The following LMAN1 variants were observed in gnomAD, a reference collection of about 807,000 sequenced individuals.
The protein encoded by LMAN1 is lectin, mannose binding 1.
LMAN1 carries 32 observed loss-of-function variants against 67.8 expected under a neutral mutation model. The ratio of observed to expected loss-of-function variants is 0.47; its 90% CI spans 0.36 to 0.63. LMAN1 has a LOEUF of 0.63. Ranked by LOEUF, LMAN1 falls within the 30% of genes least tolerant of loss-of-function variation. The pLI is 0.00. For missense variants in LMAN1, 632 were observed against 628.2 expected (o/e 1.01, Z -0.06); for synonymous variants, 235 against 219.3 (o/e 1.07, Z -0.63).
intron 6 of LMAN1, 75 bp downstream of exon 6, chr18:59,349,038 T>C: frequency 6.5e-7 from 1 of 1,536,108 alleles, no homozygotes; most frequent in South Asian, 1.1e-5. Flanking sequence ...TAAACAAGTC[T>C]ACATATCCCT....
Position 59,353,319 on chromosome 18 carries a change from G to A in LMAN1, c.540-18C>T. The A allele has an allele frequency of 6.4e-7, 1 of 1,555,748 alleles. No homozygotes were observed. The highest frequency in any genetic ancestry group is 8.9e-7 in the Non-Finnish European group (1 of 1,126,962). The stretch of plus-strand genomic sequence containing the variant: ...CCCCGTCACTATAGTGTAAGGGGGA[G>A]GAAAACAGACAAGACACTCAGCTTT... On this transcript the variant is annotated intron_variant, in intron 4 of 12. Coordinates refer to ENST00000251047, the MANE Select transcript of LMAN1 (RefSeq NM_005570.4).
chr18:59,347,712 A>G (rs1032504788), intron 6 of LMAN1, 141 bp from the exon 7 acceptor site: 2 of 663,018 alleles, frequency 3.0e-6, no homozygotes, highest in African/African-American at 1.8e-5. Flanking sequence ...TAATTTGGTA[A>G]AGGCAATGGC....
intron 8 of LMAN1, among the ~76,000 whole-genome samples, chr18:59,341,110 AAAG>A (rs1471701982): frequency 6.6e-6 from 1 of 152,162 alleles, no homozygotes; most frequent in Non-Finnish European, 1.5e-5. Flanking sequence ...AAGAAAAGAC[AAAG>A]AAGGTTATTA....
At chr18:59,344,345 G>A (rs1002263147) in intron 8 of LMAN1, among the ~76,000 whole-genome samples, 6 of 152,116 alleles carry the variant, frequency 3.9e-5, no homozygotes, top group Admixed American at 6.5e-5. Flanking sequence ...GCACTTATAC[G>A]TTTATTGCAG....
chr18:59,331,350 C>G (rs2070746229), intron 12 of LMAN1, 68 bp downstream of exon 12: 1 of 1,446,254 alleles, frequency 6.9e-7, no homozygotes, highest in Admixed American at 1.7e-5. Context: ...ACATAGATAA[C>G]TTAGTTGAAT....
intron 7 of LMAN1, among the ~76,000 whole-genome samples, chr18:59,346,927 T>C (rs1232324035): frequency 6.6e-6 from 1 of 152,018 alleles, no homozygotes; most frequent in Admixed American, 6.5e-5. Flanking sequence ...ATTTCTGTTT[T>C]AGCAATTAAG....
In LMAN1 at chr18:59,328,926, A is replaced by AT. The variant is rs1338711156; in HGVS notation, c.*2166dup. On this transcript the variant is annotated 3_prime_UTR_variant, in exon 13 of 13. Coordinates refer to ENST00000251047, the MANE Select transcript of LMAN1 (RefSeq NM_005570.4). ...TGGCATCATAGACACAATGACTTAC[A>AT]TAAAAATTTTAAAATCAATTTTGTT... is the stretch of plus-strand genomic sequence containing the variant. 1 of 152,232 alleles carries AT rather than the reference A, an allele frequency of 6.6e-6. No homozygotes were observed. The highest frequency in any genetic ancestry group is 2.4e-5 in the African/African-American group (1 of 41,462). 9.4% of individuals were successfully genotyped at this position (152,232 alleles called of 1,614,324 possible).
In LMAN1 at chr18:59,329,132, A is replaced by G. The variant is rs1039538264; in HGVS notation, c.*1961T>C. ...TTTTGAGAAAAACCACACTTCAAAT[A>G]TGATACACATCATGTGAACTACTTT... On this transcript the variant is annotated 3_prime_UTR_variant, in exon 13 of 13. Transcript: ENST00000251047. The G allele has an allele frequency of 2.0e-5, 3 of 152,214 alleles. No homozygotes were observed. The highest frequency in any genetic ancestry group is 4.8e-5 in the African/African-American group (2 of 41,454). 9.4% of individuals were successfully genotyped at this position (152,214 alleles called of 1,614,324 possible).
chr18:59,354,448 G>T (rs1248617103), intron 4 of LMAN1, 71 bp downstream of exon 4: 5 of 867,006 alleles, frequency 5.8e-6, no homozygotes, highest in South Asian at 1.4e-5. Context: ...GTTCAGATTT[G>T]AAACAATGTA....
In LMAN1 at chr18:59,359,165, A is replaced by G; in HGVS notation, c.80T>C (p.Phe27Ser). 6.2e-7 allele frequency: 1 copy of G among 1,614,042 alleles called. No individual in the cohort carries two copies. The highest frequency in any genetic ancestry group is 8.5e-7 in the Non-Finnish European group (1 of 1,179,954). ...TCCTCCCACGCCGTCGCCCCGGACGAAGCGACCGAGTGACAGCAGCAAGGC... is the reference window on the plus strand; with the variant it reads ...TCCTCCCACGCCGTCGCCCCGGACGGAGCGACCGAGTGACAGCAGCAAGGC... The part of the protein sequence containing the change: ...FCALLLSLGR[F>S]VRGDGVGGDP... Residue 27 changes from phenylalanine to serine, a missense_variant, in exon 1 of 13, where the codon TTC becomes TCC. Transcript: ENST00000251047.
chr18:59,348,515 G>C (rs1172300884), intron 6 of LMAN1, among the ~76,000 whole-genome samples: 1 of 152,116 alleles, frequency 6.6e-6, no homozygotes, highest in East Asian at 1.9e-4. Context: ...TTCTTCTCTG[G>C]GTTGTCAGGA....
chr18:59,353,166 T>C (rs1353288426), intron 5 of LMAN1, 36 bp downstream of exon 5: 2 of 1,512,538 alleles, frequency 1.3e-6, no homozygotes, highest in African/African-American at 1.4e-5. Context: ...ACTGTAACAT[T>C]GTTTATTTGA....
In LMAN1 at chr18:59,359,223, C is replaced by A. The variant is rs977237276; in HGVS notation, c.22G>T (p.Gly8Cys). The A allele has an allele frequency of 2.5e-6, 4 of 1,613,752 alleles. No individual in the cohort carries two copies. Among genetic ancestry groups the A allele is most frequent in the Admixed American group, 1.7e-5 (1 of 59,998 alleles). The change falls in exon 1 of 13, where the codon GGT (glycine) becomes TGT (cysteine). Residue 8 changes from glycine (G) to cysteine (C), a missense_variant. By Grantham distance (159) the Gly-to-Cys change is radical. Transcript: ENST00000251047. MAGSRQR[G>C]LRARVRPLFC... ...AGCGGCCGAACTCTGGCCCGGAGAC[C>A]CCTTTGCCTGGATCCCGCCATCTTG...
In LMAN1 at chr18:59,329,375, T is replaced by C. The variant is rs1215285260; in HGVS notation, c.*1718A>G. On this transcript the variant is annotated 3_prime_UTR_variant, in exon 13 of 13. Transcript: ENST00000251047. The stretch of plus-strand genomic sequence containing the variant: ...TTTATAATACTGGATTTGGCAGCCT[T>C]TTATCTCAAGAGGATTTCTCAAGTT... 6.6e-6 allele frequency: 1 copy of C among 152,168 alleles called. No individual in the cohort carries two copies. Among genetic ancestry groups the C allele is most frequent in the African/African-American group, 2.4e-5 (1 of 41,458 alleles). The allele number at this position is 152,168 out of a possible 1,614,324, so 9.4% of individuals were successfully genotyped here.
intron 5 of LMAN1, among the ~76,000 whole-genome samples, chr18:59,350,648 C>G (rs1453400977): frequency 6.6e-6 from 1 of 152,180 alleles, no homozygotes; most frequent in Non-Finnish European, 1.5e-5. Flanking sequence ...GCTCCCGCCA[C>G]AAAGCCTGGC....
intron 10 of LMAN1, among the ~76,000 whole-genome samples, chr18:59,336,887 A>T (rs1037978606): frequency 1.3e-4 from 19 of 151,916 alleles, no homozygotes; most frequent in African/African-American, 3.4e-4. Flanking sequence ...CTGTCTCAAA[A>T]AAATAAATAA....
intron 10 of LMAN1, chr18:59,333,509 A>G (rs1212142092): frequency 7.8e-6 from 3 of 384,328 alleles, no homozygotes; most frequent in East Asian, 1.1e-4. Context: ...AACCAATAGT[A>G]TAAGTGGATA....
chr18:59,352,934 T>A (rs1446124380), intron 5 of LMAN1: 1 of 391,976 alleles, frequency 2.6e-6, no homozygotes, highest in Non-Finnish European at 4.9e-6. Context: ...TATCTATCTA[T>A]CTATCTATAG....
intron 1 of LMAN1, among the ~76,000 whole-genome samples, chr18:59,357,533 G>A (rs1339821791): frequency 2.0e-5 from 3 of 152,156 alleles, no homozygotes; most frequent in South Asian, 2.1e-4. Flanking sequence ...TGTGTATCAA[G>A]AATAGAGATA....
Sources: gnomAD v4.1 joint callset for allele counts (sites outside exome capture counted in the v4.1 genomes callset) on GRCh38, gnomAD v4.1.1 for gene constraint, MANE v1.5 for transcripts, NCBI Gene and HGNC (gene_info 2026-07-23, HGNC 2026-07-21) for gene names.